The following PLXNA4 variants were observed in gnomAD, a reference collection of about 807,000 sequenced individuals.
PLXNA4 encodes the protein plexin-A4.
In PLXNA4, 44 loss-of-function variants were observed where a neutral mutation model predicts 191.8. The ratio of observed to expected loss-of-function variants is 0.23; its 90% CI spans 0.18 to 0.29. The LOEUF (loss-of-function observed/expected upper bound fraction) is 0.29. Ranked by LOEUF, PLXNA4 falls within the 10% of genes least tolerant of loss-of-function variation. The probability of loss-of-function intolerance (pLI) is 1.00; values close to 1 mark genes in which losing one functional copy is unlikely to be tolerated. For missense variants in PLXNA4, 1,800 were observed against 2,488.8 expected (o/e 0.72, Z 5.89); for synonymous variants, 1,082 against 1,009.5 (o/e 1.07, Z -1.36).
At chr7:132,366,190 A>G (rs1315098437) in intron 3 of PLXNA4, 1 of 152,206 alleles carries the variant, frequency 6.6e-6, no homozygotes, top group African/African-American at 2.4e-5. Context: ...TCTTTAGGGT[A>G]ATAGACCCTG....
intron 9 of PLXNA4, among the ~76,000 whole-genome samples, chr7:132,212,669 G>A (rs1045092936): frequency 2.6e-5 from 4 of 152,002 alleles, no homozygotes; most frequent in Non-Finnish European, 4.4e-5. Flanking sequence ...AGAGAGGCAG[G>A]GGAAATGGAA....
intron 24 of PLXNA4, among the ~76,000 whole-genome samples, chr7:132,162,180 G>A (rs1157312187): frequency 2.6e-5 from 4 of 152,208 alleles, no homozygotes; most frequent in African/African-American, 2.4e-5. Flanking sequence ...TGTCCTGCAC[G>A]ATTTCTTGCC....
chr7:132,260,183 G>T (rs1799587575), intron 4 of PLXNA4, among the ~76,000 whole-genome samples: 1 of 152,070 alleles, frequency 6.6e-6, no homozygotes, highest in South Asian at 2.1e-4. Context: ...AAAATAAATT[G>T]TTCTACCAAA....
intron 3 of PLXNA4, among the ~76,000 whole-genome samples, chr7:132,390,599 C>T (rs182987338): frequency 2.3e-4 from 35 of 152,084 alleles, no homozygotes; most frequent in East Asian, 7.7e-4. Context: ...AAAGAAAAGG[C>T]CCCCACTGAA....
chr7:132,162,200 C>A (rs1382352760), intron 24 of PLXNA4, among the ~76,000 whole-genome samples: 10 of 152,256 alleles, frequency 6.6e-5, no homozygotes, highest in Admixed American at 6.5e-4. Flanking sequence ...CATCTGTCCA[C>A]ACCCTGAGGG....
chr7:132,485,099 A>G (rs1001699555), intron 3 of PLXNA4: 27 of 1,560,658 alleles, frequency 1.7e-5, no homozygotes, highest in East Asian at 1.4e-4. Context: ...ACAATTCCCA[A>G]TAAGAATGGT....
intron 3 of PLXNA4, among the ~76,000 whole-genome samples, chr7:132,473,278 T>C (rs1046539577): frequency 5.9e-5 from 9 of 152,272 alleles, no homozygotes; most frequent in Middle Eastern, 6.8e-3. Flanking sequence ...AGCCGGACAC[T>C]TTTGCTGGTC....
chr7:132,253,717 G>C (rs1799335167), intron 4 of PLXNA4, among the ~76,000 whole-genome samples: 1 of 152,110 alleles, frequency 6.6e-6, no homozygotes, highest in Admixed American at 6.6e-5. Flanking sequence ...TATTGGGTGG[G>C]AAAGTCATTG....
At chr7:132,469,409 C>G (rs1796845425) in intron 3 of PLXNA4, among the ~76,000 whole-genome samples, 2 of 152,182 alleles carry the variant, frequency 1.3e-5, no homozygotes, top group African/African-American at 2.4e-5. Context: ...TTTCCATTCC[C>G]TCTCTTCCTC....
chr7:132,151,675 T>C (rs1467928791), intron 25 of PLXNA4, among the ~76,000 whole-genome samples: 1 of 151,876 alleles, frequency 6.6e-6, no homozygotes, highest in Non-Finnish European at 1.5e-5. Context: ...GTAGTTGAAA[T>C]TGTTGTTTTG....
Position 132,620,538 on chromosome 7 carries a change from T to A in PLXNA4, c.-87+25390A>T, listed in dbSNP as rs552849686. On this transcript the variant is annotated intron_variant, in intron 2 of 4. Coordinates refer to the PLXNA4 transcript ENST00000378539. ...ATCAAAAGTCTCCTTAATTACCATG[T>A]CAAGCCCAGTCCTCTCTCCCAAGCT... 1.7e-4 allele frequency among the ~76,000 whole-genome samples: 26 copies of A among 152,336 alleles called. No individual in the cohort carries two copies. In the South Asian group the frequency reaches 5.2e-3, roughly 30 times the overall value.
chr7:132,627,076 A>G (rs1224717443), intron 2 of PLXNA4, among the ~76,000 whole-genome samples: 1 of 152,206 alleles, frequency 6.6e-6, no homozygotes, highest in East Asian at 1.9e-4. Flanking sequence ...TACAAAAGTT[A>G]TATTTAAAAT....
intron 2 of PLXNA4, among the ~76,000 whole-genome samples, chr7:132,583,369 A>G (rs997112097): frequency 5.9e-5 from 9 of 152,138 alleles, no homozygotes; most frequent in Non-Finnish European, 1.2e-4. Flanking sequence ...GTAAAAAGAG[A>G]CTAGAAGCGA....
intron 1 of PLXNA4, among the ~76,000 whole-genome samples, chr7:132,528,134 G>A (rs938582673): frequency 6.6e-5 from 10 of 152,176 alleles, no homozygotes; most frequent in East Asian, 1.9e-4. Flanking sequence ...TAACCAACTC[G>A]GGATGGTCGG....
Position 132,507,763 on chromosome 7 carries a change from G to T in PLXNA4, c.931C>A (p.Gln311Lys), listed in dbSNP as rs1426609251. The T allele has an allele frequency of 1.1e-5, 18 of 1,614,146 alleles. No individual in the cohort carries two copies. The highest frequency in any genetic ancestry group is 1.4e-5 in the Non-Finnish European group (17 of 1,180,042). The change falls in exon 2 of 32, where the codon CAG becomes AAG. Residue 311 changes from glutamine (Q) to lysine (K), a missense_variant. Physicochemically the swap from Gln to Lys is moderately conservative, Grantham distance 53 (BLOSUM62 1). Transcript: ENST00000321063. ...ERSGVEYRLL[Q>K]AAYLSKAGAV... ...CCCGCTTTGGACAGGTAGGCAGCCT[G>T]CAGCAGGCGGTACTCCACCCCACTG...
chr7:132,458,095 T>C (rs1796374488), intron 3 of PLXNA4, among the ~76,000 whole-genome samples: 1 of 152,180 alleles, frequency 6.6e-6, no homozygotes, highest in South Asian at 2.1e-4. Context: ...ACTCGAGACA[T>C]ACTCATTGGG....
At chr7:132,147,253 G>A (rs1329544604) in intron 27 of PLXNA4, among the ~76,000 whole-genome samples, 1 of 152,216 alleles carries the variant, frequency 6.6e-6, no homozygotes, top group African/African-American at 2.4e-5. Context: ...AAAAAGAAAT[G>A]GCGGTCCTAC....
chr7:132,344,422 C>A (rs73434879), intron 3 of PLXNA4, among the ~76,000 whole-genome samples: 2,554 of 152,204 alleles, frequency 0.017, 79 homozygotes, highest in African/African-American at 0.058. Context: ...AAGGGAGGGA[C>A]CAGTGCAATG....
intron 21 of PLXNA4, among the ~76,000 whole-genome samples, chr7:132,174,060 C>A (rs1796374073): frequency 6.6e-6 from 1 of 152,208 alleles, no homozygotes; most frequent in African/African-American, 2.4e-5. Context: ...AGGGCTTAAA[C>A]TGTGCTAAGA....
Sources: gnomAD v4.1 joint callset for allele counts (sites outside exome capture counted in the v4.1 genomes callset) on GRCh38, gnomAD v4.1.1 for gene constraint, MANE v1.5 for transcripts, NCBI Gene and HGNC (gene_info 2026-07-23, HGNC 2026-07-21) for gene names.